ZNF718: variants seen among roughly 807,000 people sequenced by gnomAD.
ZNF718 encodes the protein zinc finger protein 718.
A neutral mutation model predicts 2.6 loss-of-function variants in ZNF718; 3 were observed. The observed-to-expected ratio is 1.16, with a 90% CI of 0.53 to 3.01. ZNF718 has a LOEUF of 3.01. Ranked by LOEUF, ZNF718 falls within the 30% of genes most tolerant of loss-of-function variation. The pLI is 0.03. For synonymous variants in ZNF718, 135 were observed against 77.9 expected, an observed-to-expected ratio of 1.73 and a Z score of -3.86; for missense variants, 468 against 230.0, an observed-to-expected ratio of 2.03 and a Z score of -6.69.
downstream of ZNF718, among the ~76,000 whole-genome samples, chr4:168,884 C>T (rs1717159452): frequency 6.6e-6 from 1 of 152,142 alleles, no homozygotes; most frequent in Non-Finnish European, 1.5e-5. Context: ...TTATTTCTTG[C>T]CTTCTGCTAG....
chr4:165,192 C>T (rs1717059259), downstream of ZNF718, among the ~76,000 whole-genome samples: 1 of 152,020 alleles, frequency 6.6e-6, no homozygotes, highest in South Asian at 2.1e-4. Context: ...TCTAGGTTCT[C>T]ATGAAAAGTT....
At chr4:194,620 A>C (rs1158353000) in intron 3 of ZNF718, among the ~76,000 whole-genome samples, 1 of 152,222 alleles carries the variant, frequency 6.6e-6, no homozygotes, top group Non-Finnish European at 1.5e-5. Flanking sequence ...GTAGCATTAT[A>C]TCTCTCCATG....
At chr4:198,271 C>T (rs782757104) in intron 3 of ZNF718, among the ~76,000 whole-genome samples, 25 of 152,186 alleles carry the variant, frequency 1.6e-4, no homozygotes, top group Non-Finnish European at 3.4e-4. Flanking sequence ...AGACTATGCA[C>T]TCCTGGCAGA....
intron 3 of ZNF718, among the ~76,000 whole-genome samples, chr4:178,958 A>G (rs1422225944): frequency 6.6e-6 from 1 of 152,326 alleles, no homozygotes; most frequent in South Asian, 2.1e-4. Flanking sequence ...TACTCAAAAA[A>G]TTTGTGAAAA....
intron 3 of ZNF718, among the ~76,000 whole-genome samples, chr4:143,440 C>A (rs1715901703): frequency 6.6e-6 from 1 of 152,158 alleles, no homozygotes; most frequent in Non-Finnish European, 1.5e-5. Context: ...CCTGCCTTAG[C>A]CTCCCAAAGT....
At chr4:160,715 C>T (rs1553814720) in intron 3 of ZNF718, among the ~76,000 whole-genome samples, 197 bp from the exon 4 acceptor site, 1 of 151,858 alleles carries the variant, frequency 6.6e-6, no homozygotes, top group Non-Finnish European at 1.5e-5. Context: ...ATTCCCAGCA[C>T]ATTTTTTTTG....
chr4:155,792 G>A (rs1178012230), intron 3 of ZNF718, among the ~76,000 whole-genome samples: 2 of 152,126 alleles, frequency 1.3e-5, no homozygotes, highest in Non-Finnish European at 2.9e-5. Context: ...TTTGAAATGT[G>A]AGGACATGAG....
chr4:160,822 A>C (rs1374613830), intron 3 of ZNF718, 90 bp from the exon 4 acceptor site: 2 of 657,796 alleles, frequency 3.0e-6, no homozygotes, highest in Non-Finnish European at 5.5e-6. Context: ...AACTGCTGGA[A>C]TTACTGGCTT....
chr4:139,642 G>A (rs1052848439), intron 3 of ZNF718, among the ~76,000 whole-genome samples: 1 of 152,148 alleles, frequency 6.6e-6, no homozygotes, highest in African/African-American at 2.4e-5. Context: ...TCCTTGCTTT[G>A]TGCGTTTTGT....
chr4:140,318 A>G (rs1485488609), intron 3 of ZNF718, among the ~76,000 whole-genome samples: 1 of 152,076 alleles, frequency 6.6e-6, no homozygotes, highest in Non-Finnish European at 1.5e-5. Flanking sequence ...AACCTTCCCA[A>G]AGGGGACGTT....
chr4:148,709 A>G (rs1553811914), intron 3 of ZNF718, among the ~76,000 whole-genome samples: 1 of 151,814 alleles, frequency 6.6e-6, no homozygotes, highest in African/African-American at 2.4e-5. Context: ...CTGTGTGTGC[A>G]GGATTTCTTC....
intron 3 of ZNF718, among the ~76,000 whole-genome samples, chr4:186,230 C>T (rs1314363740): frequency 5.9e-5 from 9 of 152,078 alleles, no homozygotes; most frequent in Admixed American, 5.2e-4. Context: ...TTTATTTCTC[C>T]TTCACTTATG....
At chr4:154,944 C>A (rs1553813346) in intron 3 of ZNF718, among the ~76,000 whole-genome samples, 1 of 152,174 alleles carries the variant, frequency 6.6e-6, no homozygotes, top group Admixed American at 6.5e-5. Context: ...TGGGTTGGGC[C>A]TAGGCCCCCC....
At chr4:183,593 G>C (rs922221659) in intron 3 of ZNF718, among the ~76,000 whole-genome samples, 3 of 152,120 alleles carry the variant, frequency 2.0e-5, no homozygotes, top group Non-Finnish European at 4.4e-5. Context: ...AAATTTCTTT[G>C]GGTAGTATGG....
downstream of ZNF718, among the ~76,000 whole-genome samples, chr4:165,254 G>GTAT (rs1717060655): frequency 6.6e-6 from 1 of 152,052 alleles, no homozygotes; most frequent in Non-Finnish European, 1.5e-5. Context: ...GTGTTTGAGG[G>GTAT]TATTTATAGC....
At chr4:150,234 C>T (rs563019797) in intron 3 of ZNF718, 11 of 151,914 alleles carry the variant, frequency 7.2e-5, no homozygotes, top group Admixed American at 5.9e-4. Flanking sequence ...TTTAAAAATC[C>T]GATACTGATC....
At chr4:167,089 A>G (rs907714294), downstream of ZNF718, among the ~76,000 whole-genome samples, 1 of 152,092 alleles carries the variant, frequency 6.6e-6, no homozygotes, top group African/African-American at 2.4e-5. Flanking sequence ...TTTTCCCAGC[A>G]CCATTTATTA....
intron 3 of ZNF718, among the ~76,000 whole-genome samples, chr4:141,254 G>T (rs554417264): frequency 6.6e-6 from 1 of 152,246 alleles, no homozygotes; most frequent in South Asian, 2.1e-4. Context: ...ATTTAAAAAG[G>T]TTATTCATAA....
intron 3 of ZNF718, among the ~76,000 whole-genome samples, chr4:188,454 A>T (rs1298236308): frequency 1.3e-5 from 2 of 152,176 alleles, no homozygotes; most frequent in Admixed American, 1.3e-4. Context: ...TGGAATTCCA[A>T]GCCAGTGGGT....
Sources: allele counts gnomAD v4.1 joint callset (sites outside exome capture counted in the v4.1 genomes callset), GRCh38; gene constraint gnomAD v4.1.1; transcripts MANE v1.5; gene names NCBI Gene and HGNC (gene_info 2026-07-23, HGNC 2026-07-21).